The following BNC2 variants were observed in gnomAD, a reference collection of about 807,000 sequenced individuals.
The protein encoded by BNC2 is basonuclin zinc finger protein 2, also known as zinc finger protein basonuclin-2.
A neutral mutation model predicts 76.3 loss-of-function variants in BNC2; 20 were observed. That is an observed-to-expected ratio of 0.26 (90% CI 0.18 to 0.38). The LOEUF is 0.38. BNC2 is among the 10% of genes least tolerant of loss of function. BNC2 has a pLI of 1.00. For missense variants in BNC2, 1,382 were observed against 1,399.8 expected (o/e 0.99, Z 0.20); for synonymous variants, 582 against 514.8 (o/e 1.13, Z -1.77).
At chr9:16,755,888 T>C (rs1027999851) in intron 1 of BNC2, among the ~76,000 whole-genome samples, 2 of 152,208 alleles carry the variant, frequency 1.3e-5, no homozygotes, top group Non-Finnish European at 2.9e-5. Context: ...CTTGGAGACA[T>C]TGTGAATCTG....
chr9:16,623,047 G>A (rs1055330378), intron 3 of BNC2, among the ~76,000 whole-genome samples: 2 of 152,090 alleles, frequency 1.3e-5, no homozygotes, highest in Non-Finnish European at 2.9e-5. Flanking sequence ...AAGATTAAAT[G>A]CAAGTCAGAA....
intron 5 of BNC2, among the ~76,000 whole-genome samples, chr9:16,452,014 A>G (rs1821350283): frequency 6.6e-6 from 1 of 152,212 alleles, no homozygotes; most frequent in East Asian, 1.9e-4. Context: ...CTGACTTGGG[A>G]CAAGAATCTA....
At chr9:16,484,255 G>C (rs1217810724) in intron 5 of BNC2, among the ~76,000 whole-genome samples, 1 of 152,154 alleles carries the variant, frequency 6.6e-6, no homozygotes, top group Admixed American at 6.5e-5. Flanking sequence ...GGATGTGACA[G>C]AATGTTTTTA....
chr9:16,643,278 C>A (rs1248300926), intron 3 of BNC2, among the ~76,000 whole-genome samples: 1 of 147,616 alleles, frequency 6.8e-6, no homozygotes, highest in African/African-American at 2.5e-5. Context: ...TGCACTCCAG[C>A]CTGGGTGAAA....
At position 16,607,930 on chromosome 9, in the gene BNC2, G is replaced by T. The variant is rs1016363269; in HGVS notation, c.331-24845C>A. 5.9e-5 allele frequency among the ~76,000 whole-genome samples: 9 copies of T among 152,026 alleles called. 1 individual carries two copies. Among genetic ancestry groups the T allele is most frequent in the Admixed American group, 2.6e-4 (4 of 15,266 alleles). ...TTAAAGAGTAAGACAGGGTTCCCAG[G>T]ATCCCCAATTTACTCTTATGACCAA... is the stretch of plus-strand genomic sequence containing the variant. On this transcript the variant is annotated intron_variant, in intron 3 of 6. Coordinates refer to ENST00000380672, the MANE Select transcript of BNC2 (RefSeq NM_017637.6).
intron 1 of BNC2, among the ~76,000 whole-genome samples, chr9:16,821,392 C>T (rs1019283586): frequency 3.3e-5 from 5 of 151,994 alleles, no homozygotes; most frequent in Non-Finnish European, 7.4e-5. Flanking sequence ...TATTTGTTTG[C>T]TTTAATAACT....
At position 16,553,654 on chromosome 9, in the gene BNC2, CTT is replaced by C. The variant is rs1034000792; in HGVS notation, c.434-891_434-890del. 6.2e-4 allele frequency among the ~76,000 whole-genome samples: 95 copies of C among 152,248 alleles called. No individual in the cohort carries two copies. In the Middle Eastern group the frequency reaches 0.02, roughly 33 times the overall value. ...AGGATGACCATTCTCAGAGTAAACA[CTT>C]TTAATAAAATGAAAAGTTCAACAAT... On this transcript the variant is annotated intron_variant, in intron 4 of 6. Coordinates refer to ENST00000380672, the MANE Select transcript of BNC2 (RefSeq NM_017637.6).
At chr9:16,775,569 G>C (rs138363198) in intron 1 of BNC2, 1 of 159,734 alleles carries the variant, frequency 6.3e-6, no homozygotes, top group South Asian at 1.9e-4. Flanking sequence ...TCTGAGCAGA[G>C]GACTTAATAC....
chr9:16,603,820 A>G (rs1156859949), intron 3 of BNC2, among the ~76,000 whole-genome samples: 2 of 152,048 alleles, frequency 1.3e-5, no homozygotes, highest in East Asian at 3.9e-4. Context: ...ACTTTTCTTT[A>G]ATTTTTTTTC....
intron 1 of BNC2, among the ~76,000 whole-genome samples, chr9:16,787,704 A>T (rs1826334730): frequency 6.6e-6 from 1 of 152,122 alleles, no homozygotes; most frequent in Non-Finnish European, 1.5e-5. Flanking sequence ...CCTAGGCAAA[A>T]GGTAGATAAT....
chr9:16,587,984 C>T (rs1049420754), intron 3 of BNC2, among the ~76,000 whole-genome samples: 3 of 152,084 alleles, frequency 2.0e-5, no homozygotes, highest in Non-Finnish European at 4.4e-5. Context: ...TTGTTTTCCC[C>T]TCTAGAATTT....
At chr9:16,788,287 C>T (rs571601762) in intron 1 of BNC2, among the ~76,000 whole-genome samples, 1 of 152,198 alleles carries the variant, frequency 6.6e-6, no homozygotes, top group South Asian at 2.1e-4. Flanking sequence ...GGCGCGGTGG[C>T]TCACGCCTGT....
At chr9:16,698,694 C>CA (rs374121211) in intron 3 of BNC2, among the ~76,000 whole-genome samples, 1,821 of 143,940 alleles carry the variant, frequency 0.013, 39 homozygotes, top group African/African-American at 0.043. Context: ...AACTCCATCT[C>CA]AAAAAAAAAA....
intron 3 of BNC2, among the ~76,000 whole-genome samples, chr9:16,722,413 C>A (rs1325162129): frequency 6.6e-6 from 1 of 152,124 alleles, no homozygotes; most frequent in Non-Finnish European, 1.5e-5. Context: ...TTCCATAAAG[C>A]TATGCATGAA....
intron 3 of BNC2, among the ~76,000 whole-genome samples, chr9:16,645,932 T>C (rs934884954): frequency 6.6e-6 from 1 of 152,098 alleles, no homozygotes; most frequent in Non-Finnish European, 1.5e-5. Context: ...AGAAAAACAC[T>C]GAGGGCAGGA....
At chr9:16,519,074 T>C (rs931966046) in intron 5 of BNC2, among the ~76,000 whole-genome samples, 25 of 152,340 alleles carry the variant, frequency 1.6e-4, no homozygotes, top group Middle Eastern at 6.8e-3. Context: ...AGGTAAGCAC[T>C]GTGCTTCGTT....
At chr9:16,584,632 T>C (rs1165243005) in intron 3 of BNC2, among the ~76,000 whole-genome samples, 1 of 152,146 alleles carries the variant, frequency 6.6e-6, no homozygotes, top group Non-Finnish European at 1.5e-5. Flanking sequence ...TGTAGCTAGG[T>C]TGTAAACTTT....
At chr9:16,797,861 C>T (rs1403960784) in intron 1 of BNC2, among the ~76,000 whole-genome samples, 1 of 152,046 alleles carries the variant, frequency 6.6e-6, no homozygotes, top group African/African-American at 2.4e-5. Flanking sequence ...GCAGGCCTAT[C>T]CCACCAAGAG....
chr9:16,676,816 T>A (rs965418577), intron 3 of BNC2, among the ~76,000 whole-genome samples: 9 of 152,200 alleles, frequency 5.9e-5, no homozygotes, highest in Non-Finnish European at 1.0e-4. Flanking sequence ...AGCAAGTTCA[T>A]GAACTGTTTT....
Sources: gnomAD v4.1 joint callset for allele counts (sites outside exome capture counted in the v4.1 genomes callset) on GRCh38, gnomAD v4.1.1 for gene constraint, MANE v1.5 for transcripts, NCBI Gene and HGNC (gene_info 2026-07-23, HGNC 2026-07-21) for gene names.